The following SYTL2 variants were observed in gnomAD, a reference collection of about 807,000 sequenced individuals.
SYTL2 encodes synaptotagmin like 2.
In SYTL2, 165 loss-of-function variants were observed where a neutral mutation model predicts 198.7. The observed-to-expected ratio is 0.83, with a 90% CI of 0.73 to 0.94. SYTL2 has a LOEUF of 0.94. Among genes scored for constraint, SYTL2 ranks in the 40% least tolerant of loss-of-function variants. The pLI is 0.00. For synonymous variants in SYTL2, 966 were observed against 917.7 expected, an observed-to-expected ratio of 1.05 and a Z score of -0.95; for missense variants, 2,835 against 2,582.8, an observed-to-expected ratio of 1.10 and a Z score of -2.12.
chr11:85,757,667 T>C lies in SYTL2; in HGVS notation c.59A>G (p.Gln20Arg). ...GGCCCTCTTCAGAGCAGCATCCCGC[T>C]GCAAAACCTTCATGATGGCCTCTTG... ...EEQEAIMKVL[Q>R]RDAALKRAEE... The change falls in exon 2 of 20, where the codon CAG becomes CGG. Residue 20 changes from glutamine to arginine, a missense_variant. Coordinates refer to ENST00000359152, the MANE Select transcript of SYTL2 (RefSeq NM_206927.4). 1 of 1,613,898 alleles carries C rather than the reference T, an allele frequency of 6.2e-7. No individual in the cohort carries two copies. The highest frequency in any genetic ancestry group is 1.1e-5 in the South Asian group (1 of 91,084).
At chr11:85,842,789 T>C in the SYTL2 span, among the ~76,000 whole-genome samples, 1 of 152,144 alleles carries the variant, frequency 6.6e-6, no homozygotes, top group Non-Finnish European at 1.5e-5. Context: ...TGTGGAAGAA[T>C]GCGAAGACAG....
At chr11:85,821,193 T>C in the SYTL2 span, among the ~76,000 whole-genome samples, 4 of 152,226 alleles carry the variant, frequency 2.6e-5, no homozygotes, top group Non-Finnish European at 1.5e-5. Flanking sequence ...ATTTCTGAAA[T>C]AAGGATGTGT....
intron 1 of SYTL2, among the ~76,000 whole-genome samples, chr11:85,766,760 G>A (rs1313554021): frequency 6.6e-6 from 1 of 152,198 alleles, no homozygotes; most frequent in East Asian, 1.9e-4. Flanking sequence ...AGCCCAAGAA[G>A]TCTCACAGAG....
At chr11:85,820,031 A>G in the SYTL2 span, among the ~76,000 whole-genome samples, 2 of 152,322 alleles carry the variant, frequency 1.3e-5, no homozygotes, top group Non-Finnish European at 2.9e-5. Flanking sequence ...AGATCATTTC[A>G]TTTTAGATTG....
intron 1 of SYTL2, among the ~76,000 whole-genome samples, chr11:85,809,304 C>T (rs964427525): frequency 5.3e-5 from 8 of 152,220 alleles, no homozygotes; most frequent in South Asian, 2.1e-4. Flanking sequence ...GGCCCTGCCC[C>T]ACCCACGCAC....
At chr11:85,807,015 T>C (rs1481707088) in intron 1 of SYTL2, among the ~76,000 whole-genome samples, 3 of 152,268 alleles carry the variant, frequency 2.0e-5, no homozygotes, top group Non-Finnish European at 4.4e-5. Flanking sequence ...CTTGAGGCAA[T>C]GGCTACTGGC....
rs2153470396 is a variant in SYTL2, at chr11:85,727,255, A to G, written c.2103T>C (p.His701=). 2 of 1,535,436 alleles carry G rather than the reference A, an allele frequency of 1.3e-6. No homozygotes were observed. Among genetic ancestry groups the G allele is most frequent in the Non-Finnish European group, 8.7e-7 (1 of 1,146,764 alleles). ...GNLGEEEPKF[H]AHEENRGHSE... is the part of the protein sequence containing the mutation. ...AGTGTCCTCTATTTTCTTCATGAGC[A>G]TGAAACTTGGGTTCTTCTTCACCCA... is the stretch of plus-strand genomic sequence containing the variant. The change falls in exon 8 of 20, where the codon CAT becomes CAC. Residue 701 remains histidine (H), a synonymous_variant. Coordinates refer to ENST00000359152, the MANE Select transcript of SYTL2 (RefSeq NM_206927.4).
Position 85,798,018 on chromosome 11 carries a change from AT to A in SYTL2, c.-390+12935del, listed in dbSNP as rs5793171. 3.7e-3 allele frequency among the ~76,000 whole-genome samples: 534 copies of A among 145,496 alleles called. 2 individuals are homozygous for A. The highest frequency in any genetic ancestry group is 0.028 in the East Asian group (136 of 4,940). On this transcript the variant is annotated intron_variant, in intron 1 of 19. Coordinates refer to ENST00000359152, the MANE Select transcript of SYTL2 (RefSeq NM_206927.4). The stretch of plus-strand genomic sequence containing the variant: ...ACAGGTGCACACCACTATGCCAGCT[AT>A]TTTTTTTTTTTTCATTTTCAATAGA...
intron 17 of SYTL2, among the ~76,000 whole-genome samples, chr11:85,699,420 G>A (rs969567643): frequency 3.8e-4 from 58 of 152,072 alleles, no homozygotes; most frequent in African/African-American, 1.2e-3. Context: ...AAGGGAAATG[G>A]GATTTCTATG....
chr11:85,772,585 C>T (rs1007751288), intron 1 of SYTL2, among the ~76,000 whole-genome samples: 1 of 152,192 alleles, frequency 6.6e-6, no homozygotes, highest in East Asian at 1.9e-4. Flanking sequence ...CTTCACTATG[C>T]GTATGAAGGC....
intron 11 of SYTL2, chr11:85,716,530 G>A (rs751275771): frequency 1.3e-5 from 2 of 152,092 alleles, no homozygotes; most frequent in Non-Finnish European, 2.9e-5. Flanking sequence ...TGGCTCCTCC[G>A]TTTAGCTGCT....
rs397815191 is a variant in SYTL2 at position 85,779,648 on chromosome 11, T to TC, written c.-389-21535dup. Among the ~76,000 whole-genome samples, 29 of 151,820 alleles carry TC rather than the reference T, an allele frequency of 1.9e-4. No homozygotes were observed. The East Asian group carries it at 4.6e-3, about 24-fold the overall frequency. On this transcript the variant is annotated intron_variant, in intron 1 of 19. Transcript: ENST00000359152. ...AAAACTCATCAAGTGTTTTTTTTTTTCCCTAGCAGAAGTAGGACTTAAAAA... is the reference window on the plus strand; with the variant it reads ...AAAACTCATCAAGTGTTTTTTTTTTTCCCCTAGCAGAAGTAGGACTTAAAAA...
intron 2 of SYTL2, among the ~76,000 whole-genome samples, chr11:85,754,905 G>T (rs375659085): frequency 1.3e-5 from 2 of 152,116 alleles, no homozygotes; most frequent in East Asian, 3.8e-4. Flanking sequence ...GAAAAGCACC[G>T]GCCCAAGAGA....
the SYTL2 span, among the ~76,000 whole-genome samples, chr11:85,816,949 G>A: frequency 6.8e-6 from 1 of 147,790 alleles, no homozygotes; most frequent in Non-Finnish European, 1.5e-5. Context: ...CATCTTATAA[G>A]AGAGTCTTTC....
chr11:85,801,766 G>A (rs1169350430), intron 1 of SYTL2, among the ~76,000 whole-genome samples: 4 of 151,254 alleles, frequency 2.6e-5, no homozygotes, highest in African/African-American at 4.9e-5. Flanking sequence ...CATTAGCAGC[G>A]CCACCAACCA....
At chr11:85,814,615 C>T (rs992872983), upstream of SYTL2, among the ~76,000 whole-genome samples, 4 of 152,184 alleles carry the variant, frequency 2.6e-5, no homozygotes, top group Non-Finnish European at 5.9e-5. Context: ...CTCTGAGCTG[C>T]CTTCTTGGAA....
rs145312920 is a variant in SYTL2 at position 85,734,045 on chromosome 11, T to C, written c.1284A>G (p.Leu428=). The C allele has an allele frequency of 7.0e-5, 113 of 1,613,988 alleles. 1 individual carries two copies. The Middle Eastern group carries it at 1.6e-3, about 23-fold the overall frequency. The change falls in exon 7 of 20, where the codon TTA becomes TTG. Residue 428 remains leucine (L), a synonymous_variant. Coordinates refer to ENST00000359152, the MANE Select transcript of SYTL2 (RefSeq NM_206927.4). ...TCTCCATAGACTGTGGTCTTGCAGT[T>C]AAAACTTCTGAATGAGAATGCAGCC... is the stretch of plus-strand genomic sequence containing the variant. The part of the protein sequence containing the change: ...INGLHSHSEV[L]TARPQSMENS...
chr11:85,704,776 AT>A (rs2084865716), intron 16 of SYTL2, 81 bp downstream of exon 16: 5 of 1,141,382 alleles, frequency 4.4e-6, no homozygotes, highest in Non-Finnish European at 6.3e-6. Context: ...TGTACTCTGA[AT>A]TAAATGCAAT....
intron 7 of SYTL2, among the ~76,000 whole-genome samples, chr11:85,729,059 A>G (rs1484965837): frequency 3.9e-5 from 6 of 152,192 alleles, no homozygotes; most frequent in African/African-American, 1.4e-4. Context: ...ATATATATGC[A>G]CCCAATACAG....
Sources: allele counts gnomAD v4.1 joint callset (sites outside exome capture counted in the v4.1 genomes callset), GRCh38; gene constraint gnomAD v4.1.1; transcripts MANE v1.5; gene names NCBI Gene and HGNC (gene_info 2026-07-23, HGNC 2026-07-21).